PLD5: variants seen among roughly 807,000 people sequenced by gnomAD.
PLD5 encodes the protein phospholipase D family member 5, also known as inactive phospholipase D5.
A neutral mutation model predicts 61.1 loss-of-function variants in PLD5; 36 were observed. That is an observed-to-expected ratio of 0.59 (90% confidence interval 0.45 to 0.78). The LOEUF (loss-of-function observed/expected upper bound fraction) is 0.78, where lower values mean the gene tolerates loss of function less well. Ranked by LOEUF, PLD5 falls within the 30% of genes least tolerant of loss-of-function variation. PLD5 has a pLI of 0.00. For missense variants in PLD5, 515 were observed against 644.4 expected (o/e 0.80, Z 2.17); for synonymous variants, 243 against 242.8 (o/e 1.00, Z -0.01).
chr1:242,167,346 G>A (rs976509245), intron 5 of PLD5, among the ~76,000 whole-genome samples: 2 of 152,088 alleles, frequency 1.3e-5, no homozygotes, highest in African/African-American at 2.4e-5. Flanking sequence ...AGTGAAGGAG[G>A]AGCAAACGCA....
chr1:242,480,804 C>A (rs991240695), intron 1 of PLD5, among the ~76,000 whole-genome samples: 4 of 152,172 alleles, frequency 2.6e-5, no homozygotes, highest in African/African-American at 4.8e-5. Flanking sequence ...TGAGCTGCAA[C>A]TACACACATA....
At chr1:242,470,374 G>A (rs987992725) in intron 1 of PLD5, among the ~76,000 whole-genome samples, 2 of 70,436 alleles carry the variant, frequency 2.8e-5, no homozygotes, top group African/African-American at 1.2e-4. Context: ...AAGAAAGAAA[G>A]AAAGAAAAAA....
At chr1:242,321,270 C>G (rs1366170912) in intron 2 of PLD5, among the ~76,000 whole-genome samples, 1 of 151,176 alleles carries the variant, frequency 6.6e-6, no homozygotes, top group African/African-American at 2.4e-5. Flanking sequence ...AGAAAAAAAG[C>G]ATTTACCATC....
At chr1:242,492,804 T>A (rs1053076254) in intron 1 of PLD5, among the ~76,000 whole-genome samples, 3 of 152,178 alleles carry the variant, frequency 2.0e-5, no homozygotes, top group African/African-American at 7.2e-5. Context: ...ACATCTGTTG[T>A]CTCCGTGTAT....
At chr1:242,234,658 C>T (rs913330001) in intron 4 of PLD5, among the ~76,000 whole-genome samples, 10 of 151,896 alleles carry the variant, frequency 6.6e-5, no homozygotes, top group East Asian at 1.9e-4. Flanking sequence ...TGACCCACTT[C>T]GGTTTTCTTG....
intron 1 of PLD5, among the ~76,000 whole-genome samples, chr1:242,379,076 T>C (rs72763078): frequency 0.2 from 30,313 of 152,012 alleles, 3,359 homozygotes; most frequent in African/African-American, 0.3. Context: ...TTTTAGATGG[T>C]ACTTCTGCTT....
chr1:242,104,297 C>CTTTTTTT (rs368132707), intron 8 of PLD5, among the ~76,000 whole-genome samples: 1 of 129,558 alleles, frequency 7.7e-6, no homozygotes, highest in African/African-American at 2.9e-5. Context: ...CTAGTTTTTG[C>CTTTTTTT]TTTTTTTTTT....
chr1:242,314,094 A>C (rs1284198249), intron 2 of PLD5, among the ~76,000 whole-genome samples: 1 of 152,136 alleles, frequency 6.6e-6, no homozygotes, highest in Admixed American at 6.5e-5. Context: ...GCTGAAAGAA[A>C]TTTCCCAACC....
rs150005812 is a variant in PLD5, at chr1:242,083,159, C to A, written c.*6695G>T. The A allele has an allele frequency of 6.6e-6, 1 of 152,288 alleles. No individual in the cohort carries two copies. The highest frequency in any genetic ancestry group is 1.5e-5 in the Non-Finnish European group (1 of 68,030). 9.4% of individuals were successfully genotyped at this position (152,288 alleles called of 1,614,324 possible). ...CAAATTGTCTTGACTGCAGAAGTAACTGCTGTCACTGTTCTCAGAGTCACC... is the reference window on the plus strand; with the variant it reads ...CAAATTGTCTTGACTGCAGAAGTAAATGCTGTCACTGTTCTCAGAGTCACC... On this transcript the variant is annotated 3_prime_UTR_variant, in exon 10 of 10. Coordinates refer to ENST00000536534, the MANE Select transcript of PLD5 (RefSeq NM_001372062.1).
intron 3 of PLD5, 47 bp downstream of exon 3, chr1:242,288,315 A>G (rs369047491): frequency 1.4e-5 from 22 of 1,588,986 alleles, no homozygotes; most frequent in Non-Finnish European, 1.8e-5. Flanking sequence ...AAGGAGTGGA[A>G]AATGCACATA....
intron 1 of PLD5, among the ~76,000 whole-genome samples, chr1:242,404,929 G>C (rs1664148899): frequency 7.8e-6 from 1 of 128,582 alleles, no homozygotes; most frequent in Non-Finnish European, 1.6e-5. Context: ...AACCAGGCTG[G>C]AATGCAGTGG....
intron 6 of PLD5, among the ~76,000 whole-genome samples, chr1:242,117,921 A>G (rs1662074484): frequency 1.3e-5 from 2 of 152,154 alleles, no homozygotes; most frequent in Non-Finnish European, 2.9e-5. Context: ...GGAGAAGCTG[A>G]AGATCTTTGC....
intron 9 of PLD5, among the ~76,000 whole-genome samples, chr1:242,097,197 C>T: frequency 6.6e-6 from 1 of 152,108 alleles, no homozygotes; most frequent in Non-Finnish European, 1.5e-5. Context: ...GTGAATAGTG[C>T]CACAATAAAC....
At chr1:242,112,959 C>T (rs1179104163) in intron 7 of PLD5, among the ~76,000 whole-genome samples, 5 of 152,126 alleles carry the variant, frequency 3.3e-5, no homozygotes, top group African/African-American at 7.2e-5. Flanking sequence ...GAATTTATTC[C>T]GTGTTTGCAT....
intron 2 of PLD5, among the ~76,000 whole-genome samples, chr1:242,302,985 G>A (rs1462804304): frequency 6.6e-6 from 1 of 152,012 alleles, no homozygotes; most frequent in African/African-American, 2.4e-5. Context: ...AAATTCTCCT[G>A]GATATTTTGA....
chr1:242,325,949 G>T (rs1658747586), intron 2 of PLD5, among the ~76,000 whole-genome samples: 1 of 152,076 alleles, frequency 6.6e-6, no homozygotes, highest in Non-Finnish European at 1.5e-5. Flanking sequence ...GTGCAGTGGT[G>T]CCATATTACC....
At chr1:242,418,777 T>A (rs73133725) in intron 1 of PLD5, among the ~76,000 whole-genome samples, 5,693 of 152,246 alleles carry the variant, frequency 0.037, 383 homozygotes, top group African/African-American at 0.13. Context: ...TACCCCATAG[T>A]GTGCTCCTTC....
intron 1 of PLD5, among the ~76,000 whole-genome samples, chr1:242,421,991 G>C (rs995352121): frequency 6.6e-6 from 1 of 152,088 alleles, no homozygotes; most frequent in African/African-American, 2.4e-5. Flanking sequence ...GAAGAAAAGA[G>C]AAGGAGCGTG....
intron 1 of PLD5, among the ~76,000 whole-genome samples, chr1:242,456,624 G>T (rs1666952667): frequency 6.6e-6 from 1 of 152,226 alleles, no homozygotes; most frequent in Non-Finnish European, 1.5e-5. Flanking sequence ...GGTATCATTT[G>T]TTTGGTGATG....
Sources: allele counts gnomAD v4.1 joint callset (sites outside exome capture counted in the v4.1 genomes callset), GRCh38; gene constraint gnomAD v4.1.1; transcripts MANE v1.5; gene names NCBI Gene and HGNC (gene_info 2026-07-23, HGNC 2026-07-21).